The following MBD5 variants were observed in gnomAD, a reference collection of about 807,000 sequenced individuals.
MBD5 encodes methyl-CpG binding domain protein 5.
MBD5 carries 13 observed loss-of-function variants against 117.3 expected under a neutral mutation model. The observed-to-expected ratio is 0.11, with a 90% CI of 0.07 to 0.18. The LOEUF is 0.18. MBD5 is among the 10% of genes least tolerant of loss of function. The probability of loss-of-function intolerance (pLI) is 1.00; values close to 1 mark genes in which losing one functional copy is unlikely to be tolerated. For synonymous variants in MBD5, 727 were observed against 766.4 expected (o/e 0.95, Z 0.85); for missense variants, 1,879 against 2,093.8 (o/e 0.90, Z 2.00).
rs375333284 is a variant in MBD5 at position 148,470,248 on chromosome 2, G to T, written c.2305G>T (p.Val769Phe). Residue 769 changes from valine (V) to phenylalanine (F), a missense_variant, in exon 8 of 14, where the codon GTT becomes TTT. This residue lies in a region of MBD5 where 1,666 missense variants were observed against 1,792.2 expected (regional missense o/e 0.93). Coordinates refer to ENST00000642680, the MANE Select transcript of MBD5 (RefSeq NM_001378120.1). ...VHCHNANTNFVHSNSPVPNHH... is the reference protein window; with the variant it reads ...VHCHNANTNFFHSNSPVPNHH... ...CTGCCACAATGCAAACACTAACTTT[G>T]TTCACAGTAACAGTCCAGTCCCCAA... 5.6e-6 allele frequency: 9 copies of T among 1,613,822 alleles called. No homozygotes were observed. The South Asian group carries it at 7.7e-5, about 14-fold the overall frequency.
At chr2:148,292,377 T>A (rs1482523618) in intron 3 of MBD5, among the ~76,000 whole-genome samples, 2 of 152,102 alleles carry the variant, frequency 1.3e-5, no homozygotes, top group Non-Finnish European at 2.9e-5. Flanking sequence ...GGAAAAATAA[T>A]CTAACAATAC....
intron 1 of MBD5, among the ~76,000 whole-genome samples, chr2:148,089,786 A>G (rs909986528): frequency 3.9e-5 from 6 of 152,128 alleles, no homozygotes; most frequent in African/African-American, 1.4e-4. Context: ...TCAAGGAAGT[A>G]GAGAAACAAG....
At position 148,470,170 on chromosome 2, in the gene MBD5, A is replaced by C. The variant is rs1442226073; in HGVS notation, c.2227A>C (p.Ser743Arg). The C allele has an allele frequency of 4.3e-6, 7 of 1,613,878 alleles. No homozygotes were observed. Among genetic ancestry groups the C allele is most frequent in the Non-Finnish European group, 5.9e-6 (7 of 1,179,922 alleles). ...SANQLHFTDP[S>R]MNSSVLQNIP... ...TAACCAGCTGCATTTTACAGATCCC[A>C]GTATGAACTCTAGTGTTCTTCAGAA... Residue 743 changes from serine (S) to arginine (R), a missense_variant, in exon 8 of 14, where the codon AGT becomes CGT. Around this residue, in one of 4 missense-constraint regions of MBD5, gnomAD observed 1,666 missense variants for 1,792.2 expected, o/e 0.93. Coordinates refer to ENST00000642680, the MANE Select transcript of MBD5 (RefSeq NM_001378120.1).
chr2:148,041,559 T>A (rs1558899014), intron 1 of MBD5, among the ~76,000 whole-genome samples: 1 of 152,206 alleles, frequency 6.6e-6, no homozygotes, highest in Non-Finnish European at 1.5e-5. Flanking sequence ...TCATGGATGA[T>A]CTTTCTCAGG....
At chr2:148,232,925 G>C (rs1216304386) in intron 2 of MBD5, among the ~76,000 whole-genome samples, 1 of 152,034 alleles carries the variant, frequency 6.6e-6, no homozygotes, top group Non-Finnish European at 1.5e-5. Context: ...CCCAGCTAGA[G>C]GAAAGAGCCC....
intron 12 of MBD5, 91 bp downstream of exon 12, chr2:148,502,600 TC>T: frequency 7.9e-7 from 1 of 1,266,308 alleles, no homozygotes; most frequent in Non-Finnish European, 1.1e-6. Context: ...ACTGATTCTG[TC>T]CACGCTGTGG....
chr2:148,479,490 T>C (rs1681077027), intron 8 of MBD5, among the ~76,000 whole-genome samples: 1 of 152,226 alleles, frequency 6.6e-6, no homozygotes, highest in Admixed American at 6.5e-5. Context: ...TGTCAGAGAC[T>C]GTATTAGGTC....
chr2:148,056,348 T>C (rs560167145), intron 1 of MBD5, among the ~76,000 whole-genome samples: 1 of 152,292 alleles, frequency 6.6e-6, no homozygotes, highest in East Asian at 1.9e-4. Context: ...CTTCTTTTGC[T>C]TTTTGTGGGC....
intron 13 of MBD5, among the ~76,000 whole-genome samples, chr2:148,512,019 C>T (rs1054937267): frequency 3.9e-5 from 6 of 152,160 alleles, no homozygotes; most frequent in Admixed American, 2.6e-4. Flanking sequence ...ACCACAGAAA[C>T]TGGCAAAATG....
At chr2:148,410,238 GA>G (rs1174029735) in intron 4 of MBD5, among the ~76,000 whole-genome samples, 3 of 152,070 alleles carry the variant, frequency 2.0e-5, no homozygotes, top group African/African-American at 7.2e-5. Context: ...CAAATTTTAT[GA>G]GTAAAAAGCA....
intron 1 of MBD5, among the ~76,000 whole-genome samples, chr2:148,028,933 A>G (rs1573928539): frequency 6.6e-6 from 1 of 152,114 alleles, no homozygotes; most frequent in African/African-American, 2.4e-5. Flanking sequence ...ATTTTAGACA[A>G]TGTAATCTAG....
At chr2:148,486,247 C>CT (rs1681336507) in intron 10 of MBD5, among the ~76,000 whole-genome samples, 1 of 152,132 alleles carries the variant, frequency 6.6e-6, no homozygotes, top group African/African-American at 2.4e-5. Context: ...ACTCACCTCC[C>CT]TTGCATGCCC....
At chr2:148,175,144 G>A (rs979417565) in intron 1 of MBD5, among the ~76,000 whole-genome samples, 1 of 152,172 alleles carries the variant, frequency 6.6e-6, no homozygotes, top group African/African-American at 2.4e-5. Flanking sequence ...TTAAGTATTT[G>A]AGGTGGACAT....
rs139224101 is a variant in MBD5 at position 148,173,165 on chromosome 2, C to T, written c.-924-5535C>T. 4.7e-3 allele frequency among the ~76,000 whole-genome samples: 720 copies of T among 152,338 alleles called. 5 individuals carry two copies. Among genetic ancestry groups the T allele is most frequent in the Middle Eastern group, 0.017 (5 of 294 alleles). On this transcript the variant is annotated intron_variant, in intron 1 of 13. Coordinates refer to ENST00000642680, the MANE Select transcript of MBD5 (RefSeq NM_001378120.1). ...CAATGCGGGCGACTAGAAAGAAAGA[C>T]GAGCTGTAACCCTTCTGGGAGCCCA...
chr2:148,078,529 T>TA (rs1695564279), intron 1 of MBD5, among the ~76,000 whole-genome samples: 1 of 152,232 alleles, frequency 6.6e-6, no homozygotes, highest in Non-Finnish European at 1.5e-5. Flanking sequence ...GATTATCATT[T>TA]AAAATCTCCT....
At chr2:148,145,084 G>A (rs1697417736) in intron 1 of MBD5, among the ~76,000 whole-genome samples, 1 of 152,186 alleles carries the variant, frequency 6.6e-6, no homozygotes, top group Non-Finnish European at 1.5e-5. Context: ...TCATGAGCAT[G>A]GAATGTTCTT....
At chr2:148,210,306 T>G (rs1373017281) in intron 2 of MBD5, among the ~76,000 whole-genome samples, 1 of 152,088 alleles carries the variant, frequency 6.6e-6, no homozygotes, top group African/African-American at 2.4e-5. Flanking sequence ...CCTTTCTACC[T>G]CCAATGTTAA....
intron 4 of MBD5, among the ~76,000 whole-genome samples, chr2:148,428,688 C>A (rs928985530): frequency 6.6e-6 from 1 of 152,266 alleles, no homozygotes; most frequent in Admixed American, 6.5e-5. Flanking sequence ...AGAAATCACA[C>A]CACACATCTA....
chr2:148,259,196 T>A (rs1700672824), intron 3 of MBD5, among the ~76,000 whole-genome samples: 1 of 152,150 alleles, frequency 6.6e-6, no homozygotes, highest in African/African-American at 2.4e-5. Context: ...AGCCACTCAA[T>A]CAGGGTGTGG....
Sources: allele counts gnomAD v4.1 joint callset (sites outside exome capture counted in the v4.1 genomes callset), GRCh38; gene constraint gnomAD v4.1.1; regional missense constraint gnomAD v4.1.1; transcripts MANE v1.5; gene names NCBI Gene and HGNC (gene_info 2026-07-23, HGNC 2026-07-21).